The following TTI1 variants were observed in gnomAD, a reference collection of about 807,000 sequenced individuals.
TTI1 encodes the protein TELO2 interacting protein 1, also known as TELO2-interacting protein 1 homolog.
In TTI1, 52 loss-of-function variants were observed where a neutral mutation model predicts 85.4. That is an observed-to-expected ratio of 0.61 (90% CI 0.49 to 0.77). TTI1 has a LOEUF of 0.77. Ranked by LOEUF, TTI1 falls within the 30% of genes least tolerant of loss-of-function variation. The pLI is 0.00. For synonymous variants in TTI1, 512 were observed against 503.9 expected (o/e 1.02, Z -0.22); for missense variants, 1,173 against 1,296.0 (o/e 0.91, Z 1.46).
At chr20:38,021,910 A>G (rs775299915) in intron 1 of TTI1, among the ~76,000 whole-genome samples, 1 of 152,218 alleles carries the variant, frequency 6.6e-6, no homozygotes, top group South Asian at 2.1e-4. Context: ...CAAGGTACTT[A>G]CTGTATCACA....
intron 6 of TTI1, 100 bp downstream of exon 6, chr20:37,996,649 A>AGAGGG (rs1344853755): frequency 2.8e-6 from 4 of 1,437,620 alleles, no homozygotes; most frequent in Middle Eastern, 2.2e-4. Flanking sequence ...GGAGGTACAC[A>AGAGGG]GAGGGGAGGG....
chr20:38,023,733 CA>C (rs1286359012), intron 1 of TTI1, among the ~76,000 whole-genome samples: 1 of 152,250 alleles, frequency 6.6e-6, no homozygotes, highest in Non-Finnish European at 1.5e-5. Context: ...GCTGGATAAA[CA>C]TTAACCCTTC....
chr20:37,999,734 A>C (rs1468945966), intron 4 of TTI1, among the ~76,000 whole-genome samples: 1 of 152,248 alleles, frequency 6.6e-6, no homozygotes, highest in African/African-American at 2.4e-5. Context: ...GTGAAGATTC[A>C]TGCAACTGGA....
At chr20:38,007,049 A>AT (rs1188263541) in intron 2 of TTI1, among the ~76,000 whole-genome samples, 1 of 152,184 alleles carries the variant, frequency 6.6e-6, no homozygotes. Flanking sequence ...TTAAACCAGC[A>AT]TTTTTTTCCA....
intron 1 of TTI1, among the ~76,000 whole-genome samples, chr20:38,031,475 T>C (rs2073904907): frequency 6.6e-6 from 1 of 152,222 alleles, no homozygotes; most frequent in African/African-American, 2.4e-5. Flanking sequence ...CAATGAGGCC[T>C]TCTCTGAGAA....
chr20:38,006,298 T>G lies in TTI1; in HGVS notation c.2402A>C (p.Lys801Thr), dbSNP rs1314088666. ...GATGTCTTCAGCTGTGGTGGTGCTCTTCTCAAGAGCTGCTGGTCTTTGGTT... is the reference window on the plus strand; with the variant it reads ...GATGTCTTCAGCTGTGGTGGTGCTCGTCTCAAGAGCTGCTGGTCTTTGGTT... ...HLNQRPAALE[K>T]STTTAEDIEQ... Residue 801 changes from lysine to threonine, a missense_variant, in exon 3 of 8, where the codon AAG (lysine) becomes ACG (threonine). Physicochemically the swap from Lys to Thr is moderately conservative, Grantham distance 78. Coordinates refer to ENST00000373447, the MANE Select transcript of TTI1 (RefSeq NM_001303457.2). 10 of 1,614,258 alleles carry G rather than the reference T, an allele frequency of 6.2e-6. No homozygotes were observed. The highest frequency in any genetic ancestry group is 8.5e-6 in the Non-Finnish European group (10 of 1,180,038).
rs1285299492 is a variant in TTI1 at position 38,006,337 on chromosome 20, T to C, written c.2363A>G (p.Glu788Gly). Residue 788 changes from glutamate (E) to glycine (G), a missense_variant, in exon 3 of 8, where the codon GAG becomes GGG. Coordinates refer to ENST00000373447, the MANE Select transcript of TTI1 (RefSeq NM_001303457.2). ...TGGTCTTTGGTTCAAATGACTTCCC[T>C]CTTCTCCTAAACTTTGCTCTTGGAG... The part of the protein sequence containing the change: ...GHLQEQSLGE[E>G]GSHLNQRPAA... 3 of 1,614,214 alleles carry C rather than the reference T, an allele frequency of 1.9e-6. No individual in the cohort carries two copies. In the Admixed American group the frequency reaches 5.0e-5, roughly 27 times the overall value.
rs1344043187 is a variant in TTI1, at chr20:38,012,604, G to GT, written c.1212dup (p.Leu405ThrfsTer38). On this transcript the variant is annotated frameshift_variant, in exon 2 of 8. Coordinates refer to ENST00000373447, the MANE Select transcript of TTI1 (RefSeq NM_001303457.2). LOFTEE classifies it high-confidence loss of function. ...GGGCCCAAGAGTTTCAGATAACCAAGTAACAAGGAAAGAGTAGAGAATTTG... is the reference window on the plus strand; with the variant it reads ...GGGCCCAAGAGTTTCAGATAACCAAGTTAACAAGGAAAGAGTAGAGAATTTG... 1.2e-6 allele frequency: 2 copies of GT among 1,614,078 alleles called. No homozygotes were observed. The highest frequency in any genetic ancestry group is 1.7e-6 in the Non-Finnish European group (2 of 1,180,050).
In TTI1 at chr20:38,012,538, G is replaced by A. The variant is rs1160194162; in HGVS notation, c.1279C>T (p.Arg427Trp). The A allele has an allele frequency of 1.1e-5, 17 of 1,614,070 alleles. No individual in the cohort carries two copies. The highest frequency in any genetic ancestry group is 1.7e-5 in the Admixed American group (1 of 60,006). Residue 427 changes from arginine to tryptophan, a missense_variant, in exon 2 of 8, where the codon CGG becomes TGG. By Grantham distance (101) the Arg-to-Trp change is moderately radical. Coordinates refer to ENST00000373447, the MANE Select transcript of TTI1 (RefSeq NM_001303457.2). ...FVLNSVAHLQ[R>W]LSKALIQVLE... The stretch of plus-strand genomic sequence containing the variant: ...ACTTGGATGAGTGCTTTGGAAAGCC[G>A]CTGGAGATGGGCCACAGAGTTGAGG...
At chr20:38,018,264 T>C (rs1188488167) in intron 1 of TTI1, among the ~76,000 whole-genome samples, 2 of 152,152 alleles carry the variant, frequency 1.3e-5, no homozygotes, top group East Asian at 3.8e-4. Context: ...TAAATAATTT[T>C]ATCACAGAAT....
At chr20:38,019,637 GAAAT>G (rs2073734589) in intron 1 of TTI1, among the ~76,000 whole-genome samples, 1 of 152,082 alleles carries the variant, frequency 6.6e-6, no homozygotes, top group Non-Finnish European at 1.5e-5. Context: ...CAAAAAAAAA[GAAAT>G]AAAACTAGTG....
At chr20:38,015,010 G>C (rs1486472169) in intron 1 of TTI1, among the ~76,000 whole-genome samples, 1 of 152,166 alleles carries the variant, frequency 6.6e-6, no homozygotes, top group Non-Finnish European at 1.5e-5. Context: ...CATCTAGTCT[G>C]GTGGTCTTGT....
intron 6 of TTI1, 52 bp downstream of exon 6, chr20:37,996,697 G>C: frequency 1.3e-6 from 2 of 1,560,848 alleles, no homozygotes; most frequent in Admixed American, 3.5e-5. Flanking sequence ...TGATGGCAGG[G>C]GTGAGACAGA....
intron 1 of TTI1, among the ~76,000 whole-genome samples, chr20:38,029,185 AAAC>A (rs752431632): frequency 6.6e-6 from 1 of 152,190 alleles, no homozygotes; most frequent in Non-Finnish European, 1.5e-5. Flanking sequence ...CTTGGAAACT[AAAC>A]AACATGTTTC....
intron 7 of TTI1, among the ~76,000 whole-genome samples, chr20:37,995,996 T>C (rs2073332734): frequency 6.6e-6 from 1 of 152,174 alleles, no homozygotes; most frequent in Non-Finnish European, 1.5e-5. Context: ...AGTCGACATA[T>C]GCCATATCAG....
At chr20:38,020,919 G>A (rs1486469057) in intron 1 of TTI1, among the ~76,000 whole-genome samples, 1 of 152,182 alleles carries the variant, frequency 6.6e-6, no homozygotes, top group Non-Finnish European at 1.5e-5. Flanking sequence ...AGTGCAGCTA[G>A]TACGGAAAAC....
chr20:37,995,712 G>C (rs1163670883), intron 7 of TTI1, among the ~76,000 whole-genome samples: 1 of 152,234 alleles, frequency 6.6e-6, no homozygotes. Context: ...AAAGTAACCA[G>C]CAACAGCTTC....
chr20:38,012,284 A>G lies in TTI1; in HGVS notation c.1533T>C (p.Leu511=), dbSNP rs1232900044. 6.2e-7 allele frequency: 1 copy of G among 1,614,216 alleles called. No individual in the cohort carries two copies. Among genetic ancestry groups the G allele is most frequent in the African/African-American group, 1.3e-5 (1 of 75,054 alleles). The change falls in exon 2 of 8, where the codon CTT becomes CTC. Residue 511 remains leucine (L), a synonymous_variant. Transcript: ENST00000373447. ...LYLLVDHFME[L]YHQSVVYRKQ... is the part of the protein sequence containing the mutation. ...TCCGGTAAACCACAGATTGATGGTA[A>G]AGTTCCATAAAGTGATCCACAAGCA...
At chr20:37,986,109 C>T (rs1442813361) in intron 7 of TTI1, among the ~76,000 whole-genome samples, 1 of 152,180 alleles carries the variant, frequency 6.6e-6, no homozygotes, top group Non-Finnish European at 1.5e-5. Flanking sequence ...GACAGTTTTC[C>T]CTGGTGCCAA....
Sources: gnomAD v4.1 joint callset for allele counts (sites outside exome capture counted in the v4.1 genomes callset) on GRCh38, gnomAD v4.1.1 for gene constraint, MANE v1.5 for transcripts, NCBI Gene and HGNC (gene_info 2026-07-23, HGNC 2026-07-21) for gene names.